The following GRID1 variants were observed in gnomAD, a reference collection of about 807,000 sequenced individuals.
GRID1 encodes the protein glutamate ionotropic receptor delta type subunit 1, also known as glutamate receptor ionotropic, delta-1.
GRID1 carries 28 observed loss-of-function variants against 98.0 expected under a neutral mutation model. That is an observed-to-expected ratio of 0.29 (90% CI 0.21 to 0.39). The LOEUF is 0.39. Ranked by LOEUF, GRID1 falls within the 10% of genes least tolerant of loss-of-function variation. The pLI is 1.00. For synonymous variants in GRID1, 553 were observed against 538.5 expected (o/e 1.03, Z -0.37); for missense variants, 1,111 against 1,340.5 (o/e 0.83, Z 2.67).
chr10:86,055,604 A>G (rs1843561678), intron 4 of GRID1, among the ~76,000 whole-genome samples: 1 of 152,162 alleles, frequency 6.6e-6, no homozygotes, highest in Non-Finnish European at 1.5e-5. Flanking sequence ...TTAGACAGAC[A>G]TGATGGTGCA....
intron 8 of GRID1, among the ~76,000 whole-genome samples, chr10:85,783,757 A>G (rs1453062389): frequency 6.6e-6 from 1 of 152,154 alleles, no homozygotes. Context: ...ACCTGCCCAA[A>G]ACTCCCTCTC....
intron 8 of GRID1, among the ~76,000 whole-genome samples, chr10:85,752,583 C>G (rs1842058319): frequency 6.6e-6 from 1 of 152,092 alleles, no homozygotes; most frequent in Admixed American, 6.6e-5. Context: ...CCAATATATA[C>G]TTATGGCAAG....
At chr10:85,721,828 C>G (rs1841705988) in intron 12 of GRID1, among the ~76,000 whole-genome samples, 1 of 151,948 alleles carries the variant, frequency 6.6e-6, no homozygotes, top group South Asian at 2.1e-4. Context: ...TAGTATAGAC[C>G]CGAATGCACA....
chr10:86,040,031 C>T (rs530956509), intron 4 of GRID1, among the ~76,000 whole-genome samples: 1 of 152,262 alleles, frequency 6.6e-6, no homozygotes, highest in Admixed American at 6.5e-5. Flanking sequence ...GGGATGCAAT[C>T]TGAGAAGCAC....
In GRID1 at chr10:86,062,798, T is replaced by C. The variant is rs569186951; in HGVS notation, c.726+76021A>G. Among the ~76,000 whole-genome samples, 22 of 152,368 alleles carry C rather than the reference T, an allele frequency of 1.4e-4. No individual in the cohort carries two copies. The East Asian group carries it at 1.5e-3, about 11-fold the overall frequency. On this transcript the variant is annotated intron_variant, in intron 4 of 15. Coordinates refer to ENST00000327946, the MANE Select transcript of GRID1 (RefSeq NM_017551.3). ...GTGTGAACCCCATGCCCAGCACCCG[T>C]CTGGCACAGGCAGGGCTGTTGTGGG...
chr10:85,839,748 A>G (rs1842945186), intron 8 of GRID1, among the ~76,000 whole-genome samples: 1 of 152,198 alleles, frequency 6.6e-6, no homozygotes, highest in African/African-American at 2.4e-5. Context: ...CAAAGCTAGC[A>G]GAAGGAAAGA....
intron 4 of GRID1, among the ~76,000 whole-genome samples, chr10:86,119,011 C>T (rs72835260): frequency 0.011 from 1,673 of 152,120 alleles, 11 homozygotes; most frequent in Non-Finnish European, 0.018. Flanking sequence ...CTAAGACAAA[C>T]AAAACAAAAC....
At chr10:86,229,374 G>A (rs551751180) in intron 2 of GRID1, among the ~76,000 whole-genome samples, 13 of 152,264 alleles carry the variant, frequency 8.5e-5, no homozygotes, top group African/African-American at 3.1e-4. Context: ...AAGAAGCCAG[G>A]CTGCCAAGGT....
rs116971958 is a variant in GRID1, at chr10:85,810,635, A to G, written c.1233+43861T>C. Among the ~76,000 whole-genome samples, 884 of 152,150 alleles carry G rather than the reference A, an allele frequency of 5.8e-3. 28 individuals are homozygous for G. The East Asian group carries it at 0.078, about 13-fold the overall frequency. ...TAACTACCATGCACCCTCACTCCCA[A>G]CTGGAGATGAAGCCAGGCAAACCTG... On this transcript the variant is annotated intron_variant, in intron 8 of 15. Coordinates refer to ENST00000327946, the MANE Select transcript of GRID1 (RefSeq NM_017551.3).
intron 8 of GRID1, among the ~76,000 whole-genome samples, chr10:85,746,263 C>G (rs946502842): frequency 1.3e-5 from 2 of 152,168 alleles, no homozygotes; most frequent in Admixed American, 6.5e-5. Context: ...CTAAATGGTA[C>G]GAGTCTTTGG....
At chr10:86,170,935 C>T (rs1015841271) in intron 3 of GRID1, among the ~76,000 whole-genome samples, 5 of 152,110 alleles carry the variant, frequency 3.3e-5, no homozygotes, top group East Asian at 3.9e-4. Flanking sequence ...TTACCCCCCA[C>T]GCTTCCTCCC....
intron 4 of GRID1, among the ~76,000 whole-genome samples, chr10:86,040,146 G>A (rs1468282969): frequency 6.6e-6 from 1 of 152,102 alleles, no homozygotes; most frequent in East Asian, 1.9e-4. Flanking sequence ...CTGTTCATGG[G>A]AATGTAAATG....
intron 2 of GRID1, among the ~76,000 whole-genome samples, chr10:86,343,251 T>A (rs771561557): frequency 2.0e-5 from 3 of 152,144 alleles, no homozygotes; most frequent in Non-Finnish European, 4.4e-5. Context: ...TTTCTATATA[T>A]AAAATAAATC....
chr10:85,618,262 C>G (rs1037309976), intron 14 of GRID1, among the ~76,000 whole-genome samples: 1 of 152,132 alleles, frequency 6.6e-6, no homozygotes. Flanking sequence ...TCCATGAGCG[C>G]TGCCTTGGGG....
intron 11 of GRID1, among the ~76,000 whole-genome samples, chr10:85,723,840 T>C (rs1841731013): frequency 6.6e-6 from 1 of 152,194 alleles, no homozygotes; most frequent in Non-Finnish European, 1.5e-5. Flanking sequence ...AGACTCACAT[T>C]AGAAACTTTG....
chr10:86,155,582 G>C (rs1191651091), intron 3 of GRID1, among the ~76,000 whole-genome samples: 1 of 152,216 alleles, frequency 6.6e-6, no homozygotes, highest in Non-Finnish European at 1.5e-5. Context: ...CTGTCACCAG[G>C]ATAAAGGGGA....
chr10:86,322,046 A>C (rs1157222930), intron 2 of GRID1, among the ~76,000 whole-genome samples: 1 of 152,082 alleles, frequency 6.6e-6, no homozygotes, highest in Non-Finnish European at 1.5e-5. Flanking sequence ...ACGAGAAAAC[A>C]GAGAGAGGGG....
chr10:86,110,633 C>T (rs936617091), intron 4 of GRID1, among the ~76,000 whole-genome samples: 1 of 152,154 alleles, frequency 6.6e-6, no homozygotes, highest in Non-Finnish European at 1.5e-5. Flanking sequence ...CATTCCATGT[C>T]TGCTCTCAGG....
intron 2 of GRID1, among the ~76,000 whole-genome samples, chr10:86,264,005 G>A (rs1398745271): frequency 6.6e-6 from 1 of 152,236 alleles, no homozygotes; most frequent in African/African-American, 2.4e-5. Flanking sequence ...TCACAGCAGA[G>A]CTGGGAGCCG....
Sources: allele counts gnomAD v4.1 joint callset (sites outside exome capture counted in the v4.1 genomes callset), GRCh38; gene constraint gnomAD v4.1.1; transcripts MANE v1.5; gene names NCBI Gene and HGNC (gene_info 2026-07-23, HGNC 2026-07-21).